The following CPEB1 variants were observed in gnomAD, a reference collection of about 807,000 sequenced individuals.
CPEB1 encodes the protein cytoplasmic polyadenylation element-binding protein 1.
In CPEB1, 7 loss-of-function variants were observed where a neutral mutation model predicts 65.8. That is an observed-to-expected ratio of 0.11 (90% confidence interval 0.06 to 0.20). The LOEUF (loss-of-function observed/expected upper bound fraction) is 0.20. CPEB1 is among the 10% of genes least tolerant of loss of function. CPEB1 has a pLI of 1.00. For missense variants in CPEB1, 551 were observed against 712.2 expected (o/e 0.77, Z 2.58); for synonymous variants, 262 against 260.0 (o/e 1.01, Z -0.08).
intron 3 of CPEB1, among the ~76,000 whole-genome samples, chr15:82,610,358 C>T (rs2044014486): frequency 6.6e-6 from 1 of 152,114 alleles, no homozygotes; most frequent in South Asian, 2.1e-4. Context: ...ACAACTCAGT[C>T]ATGAAGCAAG....
intron 3 of CPEB1, among the ~76,000 whole-genome samples, chr15:82,574,828 C>T (rs2040483353): frequency 6.6e-6 from 1 of 150,922 alleles, no homozygotes; most frequent in African/African-American, 2.4e-5. Context: ...TACAGATGTT[C>T]CTCAACTACA....
intron 1 of CPEB1, among the ~76,000 whole-genome samples, chr15:82,632,191 T>C (rs993686430): frequency 4.9e-4 from 74 of 151,924 alleles, no homozygotes; most frequent in African/African-American, 1.6e-3. Flanking sequence ...ACCACATTAG[T>C]CAGGATGGTC....
intron 1 of CPEB1, among the ~76,000 whole-genome samples, chr15:82,636,647 T>C (rs2046681715): frequency 1.3e-5 from 2 of 152,322 alleles, no homozygotes; most frequent in Non-Finnish European, 2.9e-5. Flanking sequence ...GTCACACTGC[T>C]AACTGTATGG....
At chr15:82,645,402 C>G (rs2047419443) in intron 1 of CPEB1, among the ~76,000 whole-genome samples, 1 of 152,054 alleles carries the variant, frequency 6.6e-6, no homozygotes, top group African/African-American at 2.4e-5. Flanking sequence ...ATCTGCCCGC[C>G]TGGGCCTCCC....
At chr15:82,644,713 T>C (rs977918932) in intron 1 of CPEB1, among the ~76,000 whole-genome samples, 2 of 152,224 alleles carry the variant, frequency 1.3e-5, no homozygotes, top group African/African-American at 2.4e-5. Context: ...TCAGAAGCCA[T>C]TACCTTTCTT....
At chr15:82,603,691 T>C (rs2043311239) in intron 3 of CPEB1, among the ~76,000 whole-genome samples, 1 of 152,080 alleles carries the variant, frequency 6.6e-6, no homozygotes, top group Non-Finnish European at 1.5e-5. Flanking sequence ...CTGGGAAACT[T>C]ACTGGTTCTA....
chr15:82,556,286 T>C, intron 5 of CPEB1, 164 bp from the exon 6 acceptor site: 2 of 740,738 alleles, frequency 2.7e-6, no homozygotes, highest in Non-Finnish European at 4.1e-6. Context: ...AGTTATACTA[T>C]AATTTAAACA....
chr15:82,641,392 C>T (rs1458831594), intron 1 of CPEB1, among the ~76,000 whole-genome samples: 2 of 152,016 alleles, frequency 1.3e-5, no homozygotes, highest in Non-Finnish European at 2.9e-5. Context: ...TAAAAAGACA[C>T]AAAAAAACCA....
chr15:82,552,735 T>C, intron 8 of CPEB1, 119 bp from the exon 9 acceptor site: 3 of 1,171,268 alleles, frequency 2.6e-6, no homozygotes, highest in Non-Finnish European at 3.7e-6. Flanking sequence ...GATACATTTT[T>C]GTTTTACTCC....
At chr15:82,647,814 C>A, upstream of CPEB1, 5 of 1,282,796 alleles carry the variant, frequency 3.9e-6, no homozygotes, top group South Asian at 7.5e-5. Flanking sequence ...CTACTGCGGC[C>A]GGGACGCGGC....
At chr15:82,619,730 C>T (rs546556237) in intron 3 of CPEB1, among the ~76,000 whole-genome samples, 2 of 152,226 alleles carry the variant, frequency 1.3e-5, no homozygotes, top group African/African-American at 4.8e-5. Context: ...AAAACCACAA[C>T]AGATACTGCT....
chr15:82,587,871 A>AG (rs2041923794), intron 3 of CPEB1, among the ~76,000 whole-genome samples: 1 of 152,188 alleles, frequency 6.6e-6, no homozygotes, highest in South Asian at 2.1e-4. Context: ...GAAGTAGTTC[A>AG]GTACTTCTAA....
intron 3 of CPEB1, among the ~76,000 whole-genome samples, chr15:82,572,231 G>A (rs1421207901): frequency 6.6e-6 from 1 of 152,058 alleles, no homozygotes; most frequent in Non-Finnish European, 1.5e-5. Flanking sequence ...AAAAATCTGT[G>A]CTCCAAGTGG....
chr15:82,572,631 A>C (rs1348388404), intron 3 of CPEB1, among the ~76,000 whole-genome samples: 1 of 152,190 alleles, frequency 6.6e-6, no homozygotes, highest in Non-Finnish European at 1.5e-5. Context: ...ACAAACCAAG[A>C]GAAACAGTCT....
Position 82,606,675 on chromosome 15 carries a change from G to A in CPEB1, c.271+20518C>T, listed in dbSNP as rs1195927728. ...CTACTAAAAATACAAAAAATTAGCC[G>A]GGCGTAGTGGCGGGCGCCTGTAGTC... On this transcript the variant is annotated intron_variant, in intron 3 of 12. Transcript: ENST00000684509. Among the ~76,000 whole-genome samples the A allele has an allele frequency of 1.5e-4, 15 of 102,202 alleles. 3 individuals carry two copies. The highest frequency in any genetic ancestry group is 9.7e-5 in the Admixed American group (1 of 10,332). 67.0% of individuals were successfully genotyped at this position (102,202 alleles called of 152,430 possible). A position where few individuals can be genotyped will look rare whatever the true frequency, so the allele number is the denominator to read the frequency against.
At chr15:82,594,709 T>C (rs1280254734) in intron 3 of CPEB1, among the ~76,000 whole-genome samples, 1 of 152,202 alleles carries the variant, frequency 6.6e-6, no homozygotes, top group African/African-American at 2.4e-5. Flanking sequence ...GCTTTCGACA[T>C]GTCTTCCTCA....
intron 3 of CPEB1, among the ~76,000 whole-genome samples, chr15:82,611,055 A>T (rs2044112014): frequency 6.6e-6 from 1 of 151,350 alleles, no homozygotes; most frequent in Non-Finnish European, 1.5e-5. Flanking sequence ...ATCTAACATC[A>T]TATTTAATGG....
rs1370481815 is a variant in CPEB1 at position 82,543,291 on chromosome 15, C to T, written c.*1301G>A. 1 of 152,528 alleles carries T rather than the reference C, an allele frequency of 6.6e-6. No homozygotes were observed. Among genetic ancestry groups the T allele is most frequent in the Non-Finnish European group, 1.5e-5 (1 of 68,036 alleles). The allele number at this position is 152,528 out of a possible 1,614,324, so 9.4% of individuals were successfully genotyped here. The stretch of plus-strand genomic sequence containing the variant: ...GAGAGTGCAGTCTTGCCTGCATATA[C>T]TACAATGAGGTAGAGACTTCACACA... On this transcript the variant is annotated 3_prime_UTR_variant, in exon 13 of 13. Transcript: ENST00000684509.
rs760566162 is a variant in CPEB1, at chr15:82,549,444, G to A, written c.1480+16C>T. On this transcript the variant is annotated intron_variant, in intron 10 of 12. Transcript: ENST00000684509. ...GGGGCCAACCAAGCTTTCGCACACAGAAGTGGGACACTTACCAATGGGATA... is the reference window on the plus strand; with the variant it reads ...GGGGCCAACCAAGCTTTCGCACACAAAAGTGGGACACTTACCAATGGGATA... 12 of 1,614,126 alleles carry A rather than the reference G, an allele frequency of 7.4e-6. No homozygotes were observed. The highest frequency in any genetic ancestry group is 1.0e-5 in the Non-Finnish European group (12 of 1,179,962).
Sources: gnomAD v4.1 joint callset for allele counts (sites outside exome capture counted in the v4.1 genomes callset) on GRCh38, gnomAD v4.1.1 for gene constraint, MANE v1.5 for transcripts, NCBI Gene and HGNC (gene_info 2026-07-23, HGNC 2026-07-21) for gene names.